CABIN1: variants seen among roughly 807,000 people sequenced by gnomAD.
The protein encoded by CABIN1 is calcineurin-binding protein cabin-1.
CABIN1 carries 133 observed loss-of-function variants against 227.7 expected under a neutral mutation model. That is an observed-to-expected ratio of 0.58 (90% CI 0.51 to 0.67). The LOEUF (loss-of-function observed/expected upper bound fraction) is 0.67. Ranked by LOEUF, CABIN1 falls within the 30% of genes least tolerant of loss-of-function variation. The pLI, the probability that CABIN1 is intolerant of heterozygous loss-of-function variation, is 0.00. For synonymous variants in CABIN1, 1,086 were observed against 1,155.1 expected (o/e 0.94, Z 1.21); for missense variants, 2,408 against 2,852.5 (o/e 0.84, Z 3.55).
chr22:24,162,255 G>A (rs2046200014), intron 29 of CABIN1: 1 of 152,332 alleles, frequency 6.6e-6, no homozygotes, highest in Non-Finnish European at 1.5e-5. Flanking sequence ...ACAGAGAAGA[G>A]GGGTTATTCC....
chr22:24,170,698 G>A (rs2046749871), intron 33 of CABIN1, among the ~76,000 whole-genome samples: 1 of 150,750 alleles, frequency 6.6e-6, no homozygotes. Context: ...GAGGAACAGG[G>A]CATTTTAGCA....
rs1403192578 is a variant in CABIN1, at chr22:24,062,096, G to A, written c.1696+71G>A. 110 of 1,254,328 alleles carry A rather than the reference G, an allele frequency of 8.8e-5. No individual in the cohort carries two copies. The Admixed American group carries it at 1.0e-3, about 12-fold the overall frequency. The allele number at this position is 1,254,328 out of a possible 1,614,324, so 77.7% of individuals were successfully genotyped here. A position where few individuals can be genotyped will look rare whatever the true frequency, so the allele number is the denominator to read the frequency against. On this transcript the variant is annotated intron_variant, in intron 13 of 36. Transcript: ENST00000263119. ...CCAGCAGCTGGGAGAAAGCTGAGGC[G>A]GGAGACTGAGTCATGGAATTTAGCC...
intron 26 of CABIN1, among the ~76,000 whole-genome samples, chr22:24,107,789 C>G (rs937801545): frequency 2.0e-5 from 3 of 152,216 alleles, no homozygotes; most frequent in Admixed American, 6.5e-5. Flanking sequence ...CCCAAAAGAG[C>G]CTGTGAGCCG....
intron 1 of CABIN1, among the ~76,000 whole-genome samples, chr22:24,030,289 C>G (rs1019498295): frequency 1.3e-5 from 2 of 152,112 alleles, no homozygotes; most frequent in African/African-American, 2.4e-5. Context: ...TTTTGCTGTG[C>G]TAGAAAGAGT....
chr22:24,154,248 T>C (rs984148674), intron 29 of CABIN1, among the ~76,000 whole-genome samples: 3 of 152,206 alleles, frequency 2.0e-5, no homozygotes, highest in African/African-American at 7.2e-5. Flanking sequence ...GGTCATGAGC[T>C]GTGCAAGGTG....
intron 29 of CABIN1, among the ~76,000 whole-genome samples, chr22:24,148,064 G>C (rs2045260847): frequency 6.6e-6 from 1 of 152,196 alleles, no homozygotes; most frequent in Non-Finnish European, 1.5e-5. Context: ...CCCATCTTGG[G>C]ACCAAAAGGA....
At chr22:24,051,251 G>T (rs1239035926) in intron 8 of CABIN1, among the ~76,000 whole-genome samples, 1 of 152,162 alleles carries the variant, frequency 6.6e-6, no homozygotes, top group Non-Finnish European at 1.5e-5. Flanking sequence ...GCCCTTCTCA[G>T]CCTGCCCTAT....
chr22:24,102,603 C>G (rs1311677710), intron 26 of CABIN1, among the ~76,000 whole-genome samples: 3 of 152,184 alleles, frequency 2.0e-5, no homozygotes, highest in African/African-American at 7.2e-5. Flanking sequence ...GTTTGTTCAT[C>G]CCAGAGAAAC....
intron 30 of CABIN1, 71 bp from the exon 31 acceptor site, chr22:24,165,456 TGGC>T: frequency 7.6e-7 from 1 of 1,314,690 alleles, no homozygotes; most frequent in Non-Finnish European, 1.1e-6. Context: ...GGATGGGCAG[TGGC>T]CACCATCCAG....
chr22:24,161,993 G>A (rs1269683438), intron 29 of CABIN1: 2 of 152,316 alleles, frequency 1.3e-5, no homozygotes, highest in African/African-American at 4.8e-5. Flanking sequence ...CCCTCTGTGG[G>A]GAACCGCTGT....
chr22:24,085,982 A>G (rs1000980582), intron 22 of CABIN1, among the ~76,000 whole-genome samples: 1 of 152,222 alleles, frequency 6.6e-6, no homozygotes, highest in African/African-American at 2.4e-5. Context: ...AGGGAAAACC[A>G]GAGAATTCCA....
chr22:24,123,379 G>A (rs1439402728), intron 28 of CABIN1, among the ~76,000 whole-genome samples: 3 of 152,176 alleles, frequency 2.0e-5, no homozygotes, highest in African/African-American at 7.2e-5. Flanking sequence ...CTGCTTCCAG[G>A]AGGCAGCTCT....
At position 24,177,459 on chromosome 22, in the gene CABIN1, G is replaced by A. The variant is rs1324308599; in HGVS notation, c.6206-45G>A. ...GGGGGCGAGATAAAGTGCTCACTGTGTGATGCGGCAGGCAGGAAGTGCTCT... is the reference window on the plus strand; with the variant it reads ...GGGGGCGAGATAAAGTGCTCACTGTATGATGCGGCAGGCAGGAAGTGCTCT... On this transcript the variant is annotated intron_variant, in intron 35 of 36. Coordinates refer to ENST00000263119, the MANE Select transcript of CABIN1 (RefSeq NM_012295.4). This position sits in a 1 kb window ranked among gnomAD's most constrained non-coding sequence, Gnocchi z 4.4. 3 of 1,474,180 alleles carry A rather than the reference G, an allele frequency of 2.0e-6. No homozygotes were observed. Among genetic ancestry groups the A allele is most frequent in the Non-Finnish European group, 2.7e-6 (3 of 1,101,034 alleles). The allele number at this position is 1,474,180 out of a possible 1,614,324, so 91.3% of individuals were successfully genotyped here.
At chr22:24,125,413 T>C (rs752821666) in intron 28 of CABIN1, among the ~76,000 whole-genome samples, 24 of 152,202 alleles carry the variant, frequency 1.6e-4, no homozygotes, top group Non-Finnish European at 2.9e-4. Context: ...TGCTGGCTCA[T>C]GTGGGGGACC....
chr22:24,045,913 C>T (rs1362952854), intron 6 of CABIN1, among the ~76,000 whole-genome samples: 1 of 152,166 alleles, frequency 6.6e-6, no homozygotes, highest in African/African-American at 2.4e-5. Context: ...TGAGGCAAAA[C>T]ATACATACAA....
intron 28 of CABIN1, among the ~76,000 whole-genome samples, chr22:24,121,833 C>T (rs940806214): frequency 2.0e-5 from 3 of 152,268 alleles, no homozygotes; most frequent in African/African-American, 7.2e-5. Context: ...GGCAGCCATG[C>T]AGCCCCCTCC....
chr22:24,056,176 T>A lies in CABIN1; in HGVS notation c.1094-16T>A. ...CCTGCCACCGTGTAAGATTTTAATT[T>A]GCATTCTTTGTGAAGGTGATATTTC... On this transcript the variant is annotated splice_polypyrimidine_tract_variant and intron_variant, in intron 9 of 36. Transcript: ENST00000263119. 6.2e-7 allele frequency: 1 copy of A among 1,612,980 alleles called. No homozygotes were observed. Among genetic ancestry groups the A allele is most frequent in the Non-Finnish European group, 8.5e-7 (1 of 1,179,116 alleles).
intron 29 of CABIN1, among the ~76,000 whole-genome samples, chr22:24,139,565 CA>C (rs71184948): frequency 0.024 from 3,179 of 132,180 alleles, 32 homozygotes; most frequent in South Asian, 0.042. Context: ...GACTCCGTGT[CA>C]AAAAAAAAAA....
At chr22:24,061,540 C>A (rs1262180003) in intron 12 of CABIN1, among the ~76,000 whole-genome samples, 1 of 152,260 alleles carries the variant, frequency 6.6e-6, no homozygotes, top group Non-Finnish European at 1.5e-5. Flanking sequence ...CACCTTCCAG[C>A]TGTGCCCAAT....
Sources: allele counts gnomAD v4.1 joint callset (sites outside exome capture counted in the v4.1 genomes callset), GRCh38; gene constraint gnomAD v4.1.1; non-coding constraint Gnocchi (gnomAD v3.1); transcripts MANE v1.5; gene names NCBI Gene and HGNC (gene_info 2026-07-23, HGNC 2026-07-21).